WDHD1: variants seen among roughly 807,000 people sequenced by gnomAD.
The protein encoded by WDHD1 is WD repeat and HMG-box DNA-binding protein 1.
WDHD1 carries 111 observed loss-of-function variants against 135.4 expected under a neutral mutation model. The observed-to-expected ratio is 0.82, with a 90% CI of 0.70 to 0.96. The LOEUF is 0.96. WDHD1 is among the 40% of genes least tolerant of loss of function. WDHD1 has a pLI of 0.00. For missense variants in WDHD1, 1,351 were observed against 1,336.3 expected, an observed-to-expected ratio of 1.01 and a Z score of -0.17; for synonymous variants, 434 against 439.0, an observed-to-expected ratio of 0.99 and a Z score of 0.14.
chr14:54,957,175 C>A lies in WDHD1; in HGVS notation c.2775G>T (p.Met925Ile). 6.2e-7 allele frequency: 1 copy of A among 1,614,064 alleles called. No individual in the cohort carries two copies. Among genetic ancestry groups the A allele is most frequent in the Non-Finnish European group, 8.5e-7 (1 of 1,179,972 alleles). The change falls in exon 23 of 26, where the codon ATG becomes ATT. Residue 925 changes from methionine to isoleucine, a missense_variant. Physicochemically the swap from Met to Ile is conservative, Grantham distance 10 (BLOSUM62 1). Coordinates refer to ENST00000360586, the MANE Select transcript of WDHD1 (RefSeq NM_007086.4). ...KVSASSKEPAMSMNSARSTNI... is the reference protein window; with the variant it reads ...KVSASSKEPAISMNSARSTNI... ...TAGTTGAACGTGCTGAATTCATTGA[C>A]ATGGCTGGTTCTTTGGAACTGGCTG... is the stretch of plus-strand genomic sequence containing the variant.
intron 11 of WDHD1, among the ~76,000 whole-genome samples, chr14:54,994,903 C>T (rs544139111): frequency 6.6e-6 from 1 of 152,202 alleles, no homozygotes; most frequent in East Asian, 1.9e-4. Flanking sequence ...GATGGCCCAC[C>T]TCTCTTTCAT....
In WDHD1 at chr14:54,977,922, A is replaced by G. The variant is rs1340711849; in HGVS notation, c.2063+3618T>C. 6.6e-5 allele frequency among the ~76,000 whole-genome samples: 10 copies of G among 152,136 alleles called. No homozygotes were observed. The South Asian group carries it at 1.4e-3, about 22-fold the overall frequency. ...CCAAAGGGTTGTGTGGAAAAAAAAA[A>G]AAAGCATGTTAAGAAAAAAAAAGCC... On this transcript the variant is annotated intron_variant, in intron 16 of 25. Transcript: ENST00000360586.
Position 54,963,145 on chromosome 14 carries a change from G to A in WDHD1, c.2338C>T (p.Arg780Cys), listed in dbSNP as rs1319629615. ...ALSCKLEREF[R>C]CVELADLMTQ... ...ATTAGATCAGCAAGTTCCACACAAC[G>A]GAATTCTCGCTCCAGTTTACAAGAA... Residue 780 changes from arginine to cysteine, a missense_variant, in exon 19 of 26, where the codon CGT becomes TGT. Arg to Cys is a radical substitution (Grantham distance 180). Around this residue, in one of 2 missense-constraint regions of WDHD1, gnomAD observed 1,330 missense variants for 1,296.1 expected, o/e 1.03. Coordinates refer to ENST00000360586, the MANE Select transcript of WDHD1 (RefSeq NM_007086.4). 5.1e-6 allele frequency: 6 copies of A among 1,169,860 alleles called. No homozygotes were observed. The highest frequency in any genetic ancestry group is 5.1e-5 in the East Asian group (1 of 19,424). 72.5% of individuals were successfully genotyped at this position (1,169,860 alleles called of 1,614,324 possible). A position where few individuals can be genotyped will look rare whatever the true frequency, so the allele number is the denominator to read the frequency against.
chr14:55,008,300 A>T lies in WDHD1; in HGVS notation c.504+16T>A. On this transcript the variant is annotated intron_variant, in intron 6 of 25. Transcript: ENST00000360586. The stretch of plus-strand genomic sequence containing the variant: ...GAAATGGGCAAAAAACTTTAAATTT[A>T]AATTGCTGAGTTTACCTGATCTGAA... 6.2e-7 allele frequency: 1 copy of T among 1,610,550 alleles called. No individual in the cohort carries two copies. The highest frequency in any genetic ancestry group is 8.5e-7 in the Non-Finnish European group (1 of 1,178,456).
intron 4 of WDHD1, 78 bp from the exon 5 acceptor site, chr14:55,008,797 C>CTT (rs371293649): frequency 3.5e-3 from 2,589 of 738,196 alleles, no homozygotes; most frequent in Non-Finnish European, 3.8e-3. Flanking sequence ...CCAAATATTT[C>CTT]TTTTTTTTTT....
At chr14:54,951,909 A>T (rs1376744981) in intron 24 of WDHD1, among the ~76,000 whole-genome samples, 3 of 152,224 alleles carry the variant, frequency 2.0e-5, no homozygotes, top group African/African-American at 4.8e-5. Flanking sequence ...ATCTCAATAG[A>T]TGCAGAAAAG....
rs146967733 is a variant in WDHD1, at chr14:54,947,339, T to G, written c.3051-2869A>C. On this transcript the variant is annotated intron_variant, in intron 24 of 25. Transcript: ENST00000360586. ...GGCAACAAGAGCAAAAAGAAAAAAG[T>G]GTTAAGCGGAAAAAAAACCATGAGC... 5.3e-3 allele frequency among the ~76,000 whole-genome samples: 808 copies of G among 151,882 alleles called. 10 individuals carry two copies. The highest frequency in any genetic ancestry group is 0.018 in the African/African-American group (764 of 41,438).
chr14:54,956,692 C>T (rs2041164426), intron 23 of WDHD1, among the ~76,000 whole-genome samples: 1 of 152,110 alleles, frequency 6.6e-6, no homozygotes, highest in Admixed American at 6.5e-5. Flanking sequence ...GAATCTGCTA[C>T]AAAGTGTGTA....
intron 21 of WDHD1, among the ~76,000 whole-genome samples, chr14:54,960,666 AT>A (rs879665589): frequency 4.3e-4 from 63 of 145,820 alleles, no homozygotes; most frequent in African/African-American, 6.0e-4. Flanking sequence ...TGCCCGGCTA[AT>A]TTTTTTTTTT....
intron 2 of WDHD1, among the ~76,000 whole-genome samples, chr14:55,016,001 G>A (rs528976860): frequency 2.0e-5 from 3 of 152,314 alleles, no homozygotes; most frequent in African/African-American, 7.2e-5. Flanking sequence ...ACCCAGCCCC[G>A]ATGGGCTTCT....
chr14:54,997,259 C>T (rs534653682), intron 10 of WDHD1, among the ~76,000 whole-genome samples: 1 of 151,922 alleles, frequency 6.6e-6, no homozygotes, highest in African/African-American at 2.4e-5. Flanking sequence ...CCACACCTGG[C>T]TAATTTTTGT....
At chr14:55,007,422 C>T in intron 6 of WDHD1, 47 bp from the exon 7 acceptor site, 1 of 1,355,918 alleles carries the variant, frequency 7.4e-7, no homozygotes. Context: ...AAAATCCCCC[C>T]CAAAATATAT....
intron 15 of WDHD1, 26 bp downstream of exon 15, chr14:54,984,696 TG>T (rs1290145266): frequency 1.3e-6 from 2 of 1,583,808 alleles, no homozygotes; most frequent in Admixed American, 1.9e-5. Flanking sequence ...ATATTATACT[TG>T]TTTTTTTTAA....
At chr14:54,958,760 A>C (rs2041201867) in intron 21 of WDHD1, among the ~76,000 whole-genome samples, 2 of 151,904 alleles carry the variant, frequency 1.3e-5, no homozygotes, top group South Asian at 4.2e-4. Flanking sequence ...CTCTTCCTCT[A>C]CCTGATGCTC....
intron 16 of WDHD1, among the ~76,000 whole-genome samples, chr14:54,972,686 A>G (rs1357051821): frequency 6.6e-6 from 1 of 150,510 alleles, no homozygotes; most frequent in Non-Finnish European, 1.5e-5. Context: ...CAGGCATGGT[A>G]GTGGGCACTT....
chr14:55,021,469 C>T (rs1392313493), intron 2 of WDHD1, among the ~76,000 whole-genome samples: 1 of 151,786 alleles, frequency 6.6e-6, no homozygotes, highest in Admixed American at 6.6e-5. Flanking sequence ...TGCAGCGGCA[C>T]AATCTCGGCT....
At chr14:54,944,306 C>T (rs749269870) in intron 25 of WDHD1, 26 bp downstream of exon 25, 39 of 1,598,886 alleles carry the variant, frequency 2.4e-5, no homozygotes, top group Admixed American at 1.1e-4. Flanking sequence ...TCACTAAGAT[C>T]TCAATCTCGG....
intron 16 of WDHD1, among the ~76,000 whole-genome samples, chr14:54,978,710 T>C (rs75905424): frequency 0.026 from 3,888 of 152,322 alleles, 70 homozygotes; most frequent in Non-Finnish European, 0.039. Flanking sequence ...AATTCCTCTG[T>C]AGTTCTCTAC....
intron 18 of WDHD1, 107 bp downstream of exon 18, chr14:54,966,368 A>C (rs930948259): frequency 3.1e-6 from 4 of 1,308,082 alleles, no homozygotes; most frequent in Non-Finnish European, 4.0e-6. Context: ...AAAAAAACTT[A>C]AGAATCTTAG....
Sources: gnomAD v4.1 joint callset for allele counts (sites outside exome capture counted in the v4.1 genomes callset) on GRCh38, gnomAD v4.1.1 for gene constraint, gnomAD v4.1.1 regional missense constraint, MANE v1.5 for transcripts, NCBI Gene and HGNC (gene_info 2026-07-23, HGNC 2026-07-21) for gene names.